Variants in KHDRBS1 observed in about 807,000 individuals in gnomAD.
KHDRBS1 encodes the protein KH RNA binding domain containing, signal transduction associated 1.
Under a neutral mutation model 48.4 loss-of-function variants are expected in KHDRBS1, and 7 were observed. That is an observed-to-expected ratio of 0.14 (90% CI 0.08 to 0.27). The LOEUF (loss-of-function observed/expected upper bound fraction) is 0.27, where lower values mean the gene tolerates loss of function less well. KHDRBS1 is among the 10% of genes least tolerant of loss of function. The pLI is 1.00. For synonymous variants in KHDRBS1, 241 were observed against 235.8 expected, an observed-to-expected ratio of 1.02 and a Z score of -0.20; for missense variants, 458 against 601.2, an observed-to-expected ratio of 0.76 and a Z score of 2.49.
chr1:32,018,820 C>T (rs1638796695), intron 1 of KHDRBS1, among the ~76,000 whole-genome samples: 1 of 151,968 alleles, frequency 6.6e-6, no homozygotes, highest in Non-Finnish European at 1.5e-5. Context: ...CCTGTAATCC[C>T]AGCACTTTGG....
intron 8 of KHDRBS1, among the ~76,000 whole-genome samples, chr1:32,042,180 A>ATTTT (rs1209462185): frequency 6.6e-6 from 1 of 152,226 alleles, no homozygotes; most frequent in Admixed American, 6.5e-5. Flanking sequence ...ACTCACTAAG[A>ATTTT]TTAATGAGTT....
rs185338037 is a variant in KHDRBS1, at chr1:32,053,884, A to G, written n.1302-6279A>G. ...GATCACTTGAAGTCAGGAGTTCGAG[A>G]CCAGCCTGACCAACATGGAGAAACC... On this transcript the variant is annotated intron_variant and non_coding_transcript_variant, in intron 10 of 10. Coordinates refer to the KHDRBS1 transcript ENST00000484270. 6.8e-3 allele frequency among the ~76,000 whole-genome samples: 1,036 copies of G among 152,220 alleles called. 17 individuals are homozygous for G. The highest frequency in any genetic ancestry group is 0.024 in the African/African-American group (996 of 41,522).
intron 10 of KHDRBS1, among the ~76,000 whole-genome samples, chr1:32,049,946 C>T (rs1639397385): frequency 6.6e-6 from 1 of 152,192 alleles, no homozygotes; most frequent in Admixed American, 6.5e-5. Context: ...CAGGCATGAG[C>T]CACCACGCCC....
intron 10 of KHDRBS1, among the ~76,000 whole-genome samples, chr1:32,056,833 A>G (rs1569829113): frequency 6.6e-6 from 1 of 152,222 alleles, no homozygotes; most frequent in Non-Finnish European, 1.5e-5. Flanking sequence ...ACTATTATAC[A>G]TTAGAACACC....
chr1:32,048,268 G>A (rs1051469616), downstream of KHDRBS1, among the ~76,000 whole-genome samples: 1 of 152,178 alleles, frequency 6.6e-6, no homozygotes, highest in Non-Finnish European at 1.5e-5. Context: ...AACACCTGGG[G>A]AGGCTGAGTT....
rs943028012 is a variant in KHDRBS1, at chr1:32,038,639, C to T, written c.1175+20C>T. Reference sequence around the variant, plus strand: ...TCAAGGGTGAGTCAGGCAGTATAAGCACTGTTTTTTGTCCTGAGGATGGAT... The same window carrying T: ...TCAAGGGTGAGTCAGGCAGTATAAGTACTGTTTTTTGTCCTGAGGATGGAT... On this transcript the variant is annotated intron_variant, in intron 7 of 8. Coordinates refer to ENST00000327300, the MANE Select transcript of KHDRBS1 (RefSeq NM_006559.3). The T allele has an allele frequency of 1.9e-6, 3 of 1,612,342 alleles. No homozygotes were observed. The highest frequency in any genetic ancestry group is 3.3e-5 in the Admixed American group (2 of 59,964).
intron 1 of KHDRBS1, among the ~76,000 whole-genome samples, chr1:32,014,912 C>T (rs1377665410): frequency 6.6e-6 from 1 of 152,166 alleles, no homozygotes; most frequent in Non-Finnish European, 1.5e-5. Flanking sequence ...GCGGTAACCG[C>T]AGCTTAAGTT....
In KHDRBS1 at chr1:32,025,930, T is replaced by TA. The variant is rs1491331931; in HGVS notation, c.383-4368_383-4367insA. Among the ~76,000 whole-genome samples the TA allele has an allele frequency of 9.8e-4, 143 of 145,366 alleles. 1 individual carries two copies. Among genetic ancestry groups the TA allele is most frequent in the African/African-American group, 2.6e-3 (101 of 38,348 alleles). ...CAGCTAATTTAAATATATATATATA[T>TA]TTATTTATTTATTTATTTATTTATT... On this transcript the variant is annotated intron_variant, in intron 1 of 8. Transcript: ENST00000327300.
At chr1:32,035,762 T>G (rs1044611620) in intron 4 of KHDRBS1, among the ~76,000 whole-genome samples, 1 of 152,220 alleles carries the variant, frequency 6.6e-6, no homozygotes, top group Non-Finnish European at 1.5e-5. Context: ...TATGCTTGGG[T>G]GTAAAGTTAC....
chr1:32,040,728 G>C (rs1418585945), intron 8 of KHDRBS1, among the ~76,000 whole-genome samples: 1 of 152,204 alleles, frequency 6.6e-6, no homozygotes, highest in Admixed American at 6.5e-5. Flanking sequence ...CAGCATACCT[G>C]AGGGACTTCC....
At chr1:32,038,528 AT>A in intron 6 of KHDRBS1, 23 bp from the exon 7 acceptor site, 2 of 1,610,132 alleles carry the variant, frequency 1.2e-6, no homozygotes, top group Non-Finnish European at 8.5e-7. Flanking sequence ...CTTTTATTTC[AT>A]TTTTTTGTTG....
At chr1:32,017,497 A>G (rs1436773305) in intron 1 of KHDRBS1, among the ~76,000 whole-genome samples, 3 of 151,394 alleles carry the variant, frequency 2.0e-5, no homozygotes, top group Non-Finnish European at 4.4e-5. Context: ...GGATTCAATC[A>G]TCTATCTTTG....
intron 10 of KHDRBS1, among the ~76,000 whole-genome samples, chr1:32,049,138 G>A (rs2124397298): frequency 6.6e-6 from 1 of 151,170 alleles, no homozygotes; most frequent in Middle Eastern, 3.4e-3. Flanking sequence ...CACTGCAACT[G>A]CAACCTCCGC....
rs771937370 is a variant in KHDRBS1, at chr1:32,030,313, A to T, written c.398A>T (p.Gln133Leu). The change falls in exon 2 of 9, where the codon CAG (glutamine) becomes CTG (leucine). Residue 133 changes from glutamine to leucine, a missense_variant. Gln to Leu is a moderately radical substitution (Grantham distance 113). Coordinates refer to ENST00000327300, the MANE Select transcript of KHDRBS1 (RefSeq NM_006559.3). ...QLLTAEIEKI[Q>L]KGDSKKDDEE... ...TCCTATTCAGAAATTGAGAAGATTC[A>T]GAAAGGAGACTCAAAAAAGGATGAT... The T allele has an allele frequency of 6.2e-7, 1 of 1,605,294 alleles. No homozygotes were observed. Among genetic ancestry groups the T allele is most frequent in the Admixed American group, 1.7e-5 (1 of 58,060 alleles).
At chr1:32,045,143 CTG>C (rs752796134), downstream of KHDRBS1, among the ~76,000 whole-genome samples, 47 of 152,162 alleles carry the variant, frequency 3.1e-4, no homozygotes, top group Non-Finnish European at 6.3e-4. Flanking sequence ...CTATTTAAAA[CTG>C]TGTAAGGATG....
chr1:32,058,910 G>A (rs185647565), intron 10 of KHDRBS1, among the ~76,000 whole-genome samples: 100 of 152,120 alleles, frequency 6.6e-4, no homozygotes, highest in Non-Finnish European at 1.1e-3. Flanking sequence ...TAATCCTAGC[G>A]CTTTGGGAGA....
intron 1 of KHDRBS1, among the ~76,000 whole-genome samples, chr1:32,021,858 C>T (rs1007131239): frequency 1.3e-5 from 2 of 151,978 alleles, no homozygotes; most frequent in African/African-American, 4.8e-5. Context: ...ACTGTGTTGG[C>T]CAGGCTGGTC....
chr1:32,041,223 T>C (rs1639277890), intron 8 of KHDRBS1, among the ~76,000 whole-genome samples: 1 of 152,176 alleles, frequency 6.6e-6, no homozygotes, highest in Admixed American at 6.5e-5. Flanking sequence ...AGAAACTGTC[T>C]TGTTGATACC....
At chr1:32,027,305 T>A (rs1246650858) in intron 1 of KHDRBS1, among the ~76,000 whole-genome samples, 1 of 152,172 alleles carries the variant, frequency 6.6e-6, no homozygotes, top group African/African-American at 2.4e-5. Context: ...TTCTAGGACT[T>A]TGAGGATTGA....
Sources: allele counts gnomAD v4.1 joint callset (sites outside exome capture counted in the v4.1 genomes callset), GRCh38; gene constraint gnomAD v4.1.1; transcripts MANE v1.5; gene names NCBI Gene and HGNC (gene_info 2026-07-23, HGNC 2026-07-21).